The following HMCN1 variants were observed in gnomAD, a reference collection of about 807,000 sequenced individuals.
HMCN1 encodes the protein hemicentin 1.
In HMCN1, 321 loss-of-function variants were observed where a neutral mutation model predicts 625.9. The observed-to-expected ratio is 0.51, with a 90% CI of 0.47 to 0.56. The LOEUF is 0.56. Among genes scored for constraint, HMCN1 ranks in the 20% least tolerant of loss-of-function variants. The pLI, the probability that HMCN1 is intolerant of heterozygous loss-of-function variation, is 0.00. For synonymous variants in HMCN1, 2,425 were observed against 2,417.6 expected (o/e 1.00, Z -0.09); for missense variants, 6,588 against 6,887.3 (o/e 0.96, Z 1.54).
chr1:185,932,462 C>CACAT (rs1468021227), intron 10 of HMCN1, among the ~76,000 whole-genome samples: 1 of 152,088 alleles, frequency 6.6e-6, no homozygotes, highest in Non-Finnish European at 1.5e-5. Context: ...CTAAAACAGA[C>CACAT]ACATGAATTT....
chr1:186,052,371 C>T (rs374758327), intron 42 of HMCN1, among the ~76,000 whole-genome samples: 1 of 152,006 alleles, frequency 6.6e-6, no homozygotes, highest in African/African-American at 2.4e-5. Flanking sequence ...CAGACTCCAG[C>T]GCCTTTGAGA....
intron 4 of HMCN1, among the ~76,000 whole-genome samples, chr1:185,899,321 G>T (rs1665672918): frequency 6.6e-6 from 1 of 152,010 alleles, no homozygotes; most frequent in African/African-American, 2.4e-5. Flanking sequence ...TTTCTGTAGA[G>T]AATATTACAA....
chr1:186,072,444 T>C (rs1658533995), intron 52 of HMCN1, among the ~76,000 whole-genome samples: 1 of 152,170 alleles, frequency 6.6e-6, no homozygotes, highest in Non-Finnish European at 1.5e-5. Flanking sequence ...TGTCAGACAC[T>C]GTTTTAAATG....
chr1:185,884,577 T>C (rs1018626659), intron 4 of HMCN1, among the ~76,000 whole-genome samples: 7 of 151,974 alleles, frequency 4.6e-5, no homozygotes, highest in African/African-American at 1.4e-4. Context: ...CTCTTATGTC[T>C]AAAAAAAGTT....
At position 185,987,487 on chromosome 1, in the gene HMCN1, A is replaced by G. The variant is rs1483396979; in HGVS notation, c.2991A>G (p.Pro997=). ...QQILSTIEGI[P]VTLPCKASGN... ...TACTCAGTACAATTGAAGGCATTCC[A>G]GTAACTTTACCATGCAAAGCAAGTG... Residue 997 remains proline (P), a synonymous_variant, in exon 20 of 107, where the codon CCA becomes CCG. Coordinates refer to ENST00000271588, the MANE Select transcript of HMCN1 (RefSeq NM_031935.3). 6.2e-7 allele frequency: 1 copy of G among 1,614,062 alleles called. No individual in the cohort carries two copies. The highest frequency in any genetic ancestry group is 8.5e-7 in the Non-Finnish European group (1 of 1,179,866).
intron 2 of HMCN1, among the ~76,000 whole-genome samples, chr1:185,859,545 A>G (rs541071387): frequency 4.7e-4 from 72 of 152,304 alleles, no homozygotes; most frequent in African/African-American, 1.6e-3. Context: ...AAACTTAAAA[A>G]TTCAGTTTCT....
chr1:185,745,214 C>CCT (rs1027751739), intron 1 of HMCN1, among the ~76,000 whole-genome samples: 30 of 152,082 alleles, frequency 2.0e-4, no homozygotes, highest in Admixed American at 5.2e-4. Context: ...AAAATGTCAA[C>CCT]CGAAAGTGTA....
chr1:185,964,309 C>T (rs1650243212), intron 13 of HMCN1, among the ~76,000 whole-genome samples: 1 of 152,064 alleles, frequency 6.6e-6, no homozygotes, highest in Non-Finnish European at 1.5e-5. Context: ...CCTCTCCAAA[C>T]TTAAACATTT....
intron 54 of HMCN1, 130 bp downstream of exon 54, chr1:186,076,752 C>T: frequency 3.7e-6 from 3 of 813,242 alleles, no homozygotes; most frequent in Middle Eastern, 2.3e-4. Flanking sequence ...TGCTGAATGC[C>T]ACTGGCATCC....
chr1:185,795,055 G>A (rs1308196354), intron 1 of HMCN1, among the ~76,000 whole-genome samples: 1 of 152,188 alleles, frequency 6.6e-6, no homozygotes, highest in African/African-American at 2.4e-5. Flanking sequence ...AACTATGCAT[G>A]TATGTGTTGC....
intron 2 of HMCN1, among the ~76,000 whole-genome samples, chr1:185,862,534 T>C (rs1048851120): frequency 2.6e-5 from 4 of 152,154 alleles, no homozygotes; most frequent in Non-Finnish European, 5.9e-5. Flanking sequence ...CTGTTTTAAA[T>C]GCACTAAATT....
At chr1:185,927,950 T>C (rs1259396195) in intron 9 of HMCN1, among the ~76,000 whole-genome samples, 2 of 152,136 alleles carry the variant, frequency 1.3e-5, no homozygotes, top group African/African-American at 4.8e-5. Context: ...ATTAAATGAA[T>C]GAATACATAA....
rs368834195 is a variant in HMCN1, at chr1:186,189,388, C to CT, written c.16542-120dup. 4.3e-4 allele frequency: 430 copies of CT among 998,146 alleles called. 5 individuals are homozygous for CT. In the South Asian group the frequency reaches 5.6e-3, roughly 13 times the overall value. 61.8% of individuals were successfully genotyped at this position (998,146 alleles called of 1,614,324 possible). A position where few individuals can be genotyped will look rare whatever the true frequency, so the allele number is the denominator to read the frequency against. The stretch of plus-strand genomic sequence containing the variant: ...CACAGAAGACGACTGAGTCTTACCG[C>CT]TTTTACAGCCAGGCTGCCTACTGCA... On this transcript the variant is annotated intron_variant, in intron 106 of 106. Coordinates refer to ENST00000271588, the MANE Select transcript of HMCN1 (RefSeq NM_031935.3).
chr1:185,785,908 A>G (rs1395182726), intron 1 of HMCN1, among the ~76,000 whole-genome samples: 1 of 152,178 alleles, frequency 6.6e-6, no homozygotes, highest in Non-Finnish European at 1.5e-5. Context: ...TTTTGTCATG[A>G]ACTTACTCTA....
At chr1:186,160,671 G>A (rs1275820495) in intron 97 of HMCN1, among the ~76,000 whole-genome samples, 9 of 152,142 alleles carry the variant, frequency 5.9e-5, no homozygotes, top group Non-Finnish European at 7.4e-5. Context: ...CCTTGATTTC[G>A]TTATGTACCC....
At chr1:186,119,355 C>A in intron 78 of HMCN1, 57 bp downstream of exon 78, 2 of 1,231,292 alleles carry the variant, frequency 1.6e-6, no homozygotes, top group South Asian at 1.2e-5. Context: ...GTTTTTTAGT[C>A]ATATTTATTC....
At chr1:185,939,804 A>ATT (rs1201914213) in intron 11 of HMCN1, among the ~76,000 whole-genome samples, 4 of 152,194 alleles carry the variant, frequency 2.6e-5, no homozygotes, top group Non-Finnish European at 5.9e-5. Flanking sequence ...AAAATAAGAA[A>ATT]TAACTAAGAA....
chr1:186,128,719 T>C (rs895423947), intron 83 of HMCN1, among the ~76,000 whole-genome samples: 4 of 151,454 alleles, frequency 2.6e-5, no homozygotes, highest in Admixed American at 2.6e-4. Flanking sequence ...TCTATTATAG[T>C]GTAGATTAAT....
intron 1 of HMCN1, among the ~76,000 whole-genome samples, chr1:185,747,278 C>CTA (rs1219154343): frequency 6.6e-6 from 1 of 150,990 alleles, no homozygotes; most frequent in African/African-American, 2.4e-5. Flanking sequence ...GTTTGGGGTG[C>CTA]TATTTAAGTT....
Sources: gnomAD v4.1 joint callset for allele counts (sites outside exome capture counted in the v4.1 genomes callset) on GRCh38, gnomAD v4.1.1 for gene constraint, MANE v1.5 for transcripts, NCBI Gene and HGNC (gene_info 2026-07-23, HGNC 2026-07-21) for gene names.